ATP10A: variants seen among roughly 807,000 people sequenced by gnomAD.
ATP10A encodes the protein phospholipid-transporting ATPase VA.
In ATP10A, 111 loss-of-function variants were observed where a neutral mutation model predicts 147.8. The observed-to-expected ratio is 0.75, with a 90% CI of 0.64 to 0.88. The LOEUF (loss-of-function observed/expected upper bound fraction) is 0.88, where lower values mean the gene tolerates loss of function less well. ATP10A is among the 40% of genes least tolerant of loss of function. The pLI is 0.00. For missense variants in ATP10A, 1,927 were observed against 1,959.0 expected (o/e 0.98, Z 0.31); for synonymous variants, 875 against 841.6 (o/e 1.04, Z -0.69).
intron 1 of ATP10A, among the ~76,000 whole-genome samples, chr15:25,818,146 A>T (rs957081893): frequency 5.3e-5 from 8 of 152,096 alleles, no homozygotes; most frequent in South Asian, 2.1e-4. Context: ...CTAATATATT[A>T]AAAAAACCTA....
intron 13 of ATP10A, among the ~76,000 whole-genome samples, chr15:25,698,547 C>T (rs1567309725): frequency 2.0e-5 from 3 of 152,112 alleles, no homozygotes; most frequent in East Asian, 1.9e-4. Flanking sequence ...CAACAGTAGG[C>T]TATGAATAGT....
chr15:25,781,298 G>T, intron 1 of ATP10A, 75 bp from the exon 2 acceptor site: 2 of 1,227,696 alleles, frequency 1.6e-6, no homozygotes, highest in Non-Finnish European at 1.2e-6. Flanking sequence ...GGCACGTGGG[G>T]CTCATATGGC....
At chr15:25,798,363 T>A (rs1343531127) in intron 1 of ATP10A, among the ~76,000 whole-genome samples, 1 of 152,142 alleles carries the variant, frequency 6.6e-6, no homozygotes, top group Non-Finnish European at 1.5e-5. Context: ...GGGAAACCAG[T>A]GCCTGTCCAG....
intron 1 of ATP10A, among the ~76,000 whole-genome samples, chr15:25,826,108 C>T (rs1470420656): frequency 6.6e-6 from 1 of 151,944 alleles, no homozygotes; most frequent in Admixed American, 6.6e-5. Context: ...GAGAATAGGT[C>T]AATTGAGATT....
chr15:25,781,989 G>T (rs1038881931), intron 1 of ATP10A, among the ~76,000 whole-genome samples: 2 of 152,212 alleles, frequency 1.3e-5, no homozygotes, highest in Non-Finnish European at 2.9e-5. Context: ...GCAGTGACTG[G>T]AACAGGTATA....
chr15:25,864,514 T>C (rs1893908762), upstream of ATP10A, among the ~76,000 whole-genome samples: 1 of 152,168 alleles, frequency 6.6e-6, no homozygotes. Context: ...CACCCTGGCT[T>C]ACCCGGCTCC....
At chr15:25,705,584 T>C (rs1241906130) in intron 12 of ATP10A, among the ~76,000 whole-genome samples, 1 of 152,108 alleles carries the variant, frequency 6.6e-6, no homozygotes, top group Non-Finnish European at 1.5e-5. Context: ...GTTTGAGCCA[T>C]GTGAACGCTA....
chr15:25,752,957 G>A (rs1185894652), intron 2 of ATP10A, among the ~76,000 whole-genome samples: 2 of 151,556 alleles, frequency 1.3e-5, no homozygotes, highest in African/African-American at 4.9e-5. Context: ...TGCGATTTTT[G>A]TTGTAAACTA....
intron 1 of ATP10A, among the ~76,000 whole-genome samples, chr15:25,826,928 C>A (rs1892140980): frequency 6.6e-6 from 1 of 152,210 alleles, no homozygotes; most frequent in African/African-American, 2.4e-5. Flanking sequence ...CAAAAGAGAT[C>A]TAAACTTATA....
At chr15:25,755,623 G>A (rs911678850) in intron 2 of ATP10A, among the ~76,000 whole-genome samples, 1 of 152,118 alleles carries the variant, frequency 6.6e-6, no homozygotes, top group African/African-American at 2.4e-5. Context: ...AGATTTCCAA[G>A]AAATCCCTTA....
chr15:25,809,300 A>G (rs1891330293), intron 1 of ATP10A, among the ~76,000 whole-genome samples: 1 of 152,122 alleles, frequency 6.6e-6, no homozygotes, highest in African/African-American at 2.4e-5. Flanking sequence ...GCGGGGTGAG[A>G]CATGACCCAG....
intron 2 of ATP10A, among the ~76,000 whole-genome samples, chr15:25,753,692 T>C (rs55794691): frequency 0.071 from 10,735 of 151,046 alleles, 449 homozygotes; most frequent in African/African-American, 0.1. Context: ...CCCCCACCTG[T>C]GGCTAGCATA....
chr15:25,857,114 A>T (rs1893552722), intron 1 of ATP10A, among the ~76,000 whole-genome samples: 1 of 152,210 alleles, frequency 6.6e-6, no homozygotes, highest in South Asian at 2.1e-4. Context: ...TTATGAGATA[A>T]GTGGAAATCT....
intron 1 of ATP10A, among the ~76,000 whole-genome samples, chr15:25,810,171 G>T (rs570726441): frequency 6.6e-6 from 1 of 152,182 alleles, no homozygotes; most frequent in African/African-American, 2.4e-5. Context: ...TGATGGATGC[G>T]GGGCTAGAGC....
chr15:25,766,864 C>T (rs929740347), intron 2 of ATP10A, among the ~76,000 whole-genome samples: 9 of 147,490 alleles, frequency 6.1e-5, no homozygotes, highest in East Asian at 2.0e-4. Flanking sequence ...ATACTCTAAT[C>T]GGGGTTTTGT....
chr15:25,740,024 C>T (rs1263834796), intron 2 of ATP10A, among the ~76,000 whole-genome samples: 1 of 152,196 alleles, frequency 6.6e-6, no homozygotes. Flanking sequence ...GTCCCCTCTT[C>T]AACCACATGG....
At chr15:25,724,487 A>G (rs570704575) in intron 5 of ATP10A, among the ~76,000 whole-genome samples, 1 of 152,342 alleles carries the variant, frequency 6.6e-6, no homozygotes, top group East Asian at 1.9e-4. Context: ...CACATTGCCT[A>G]ATCCACTGGA....
chr15:25,822,757 C>T (rs1008345740), intron 1 of ATP10A, among the ~76,000 whole-genome samples: 1 of 152,186 alleles, frequency 6.6e-6, no homozygotes, highest in Admixed American at 6.5e-5. Context: ...ACTATTTCCC[C>T]TCACCTTTTA....
chr15:25,741,688 G>C (rs1028786019), intron 2 of ATP10A, among the ~76,000 whole-genome samples: 1 of 152,134 alleles, frequency 6.6e-6, no homozygotes, highest in African/African-American at 2.4e-5. Flanking sequence ...CAGATGGCCC[G>C]ATCCCAATAC....
Sources: gnomAD v4.1 joint callset for allele counts (sites outside exome capture counted in the v4.1 genomes callset) on GRCh38, gnomAD v4.1.1 for gene constraint, MANE v1.5 for transcripts, NCBI Gene and HGNC (gene_info 2026-07-23, HGNC 2026-07-21) for gene names.